ABCA13: variants seen among roughly 807,000 people sequenced by gnomAD.
ABCA13 encodes the protein ATP-binding cassette sub-family A member 13.
ABCA13 carries 476 observed loss-of-function variants against 478.7 expected under a neutral mutation model. That is an observed-to-expected ratio of 0.99 (90% confidence interval 0.92 to 1.07). The LOEUF is 1.07. Among genes scored for constraint, ABCA13 ranks in the 50% least tolerant of loss-of-function variants. The pLI is 0.00. For synonymous variants in ABCA13, 2,252 were observed against 2,158.9 expected (o/e 1.04, Z -1.20); for missense variants, 6,060 against 5,910.6 (o/e 1.03, Z -0.83).
chr7:48,556,741 T>G (rs10231745), intron 55 of ABCA13, among the ~76,000 whole-genome samples: 45,977 of 151,750 alleles, frequency 0.3, 7,870 homozygotes, highest in East Asian at 0.47. Context: ...TCATTGAGTC[T>G]TGTACATTTT....
intron 41 of ABCA13, among the ~76,000 whole-genome samples, chr7:48,417,804 G>A (rs56045610): frequency 0.11 from 17,416 of 152,126 alleles, 1,073 homozygotes; most frequent in East Asian, 0.2. Flanking sequence ...TCACTGCCCT[G>A]AAAATCTCTT....
In ABCA13 at chr7:48,587,288, GGTGAGTAGAA is replaced by G. The variant is rs1381269481; in HGVS notation, c.14640+2_14640+11del. 1.9e-6 allele frequency: 3 copies of G among 1,601,594 alleles called. No homozygotes were observed. The Admixed American group carries it at 5.2e-5, about 28-fold the overall frequency. On this transcript the variant is annotated splice_donor_variant and splice_donor_5th_base_variant and intron_variant, in intron 57 of 61. Transcript: ENST00000435803. LOFTEE classifies it high-confidence loss of function. ...TGGGGAAACCTGACATTCTTTTATTGGTGAGTAGAAGAATGTCAATATCTTGGAGTAAGAT... is the reference window on the plus strand; with the variant it reads ...TGGGGAAACCTGACATTCTTTTATTGGAATGTCAATATCTTGGAGTAAGAT...
At chr7:48,380,994 T>C (rs1172498932) in intron 35 of ABCA13, among the ~76,000 whole-genome samples, 1 of 152,100 alleles carries the variant, frequency 6.6e-6, no homozygotes, top group Non-Finnish European at 1.5e-5. Flanking sequence ...TTATTCACAG[T>C]AGTTAATTAG....
In ABCA13 at chr7:48,275,192, T is replaced by C; in HGVS notation, c.5526T>C (p.Asn1842=). The C allele has an allele frequency of 6.2e-7, 1 of 1,613,946 alleles. No homozygotes were observed. Among genetic ancestry groups the C allele is most frequent in the Middle Eastern group, 1.6e-4 (1 of 6,062 alleles). ...FRQNSKIDPC[N]VHGLMSSSFY... ...AGAATTCAAAGATAGACCCCTGCAA[T>C]GTCCATGGGCTCATGTCTTCTTCCT... The change falls in exon 17 of 62, where the codon AAT becomes AAC. Residue 1842 remains asparagine, a synonymous_variant. Coordinates refer to ENST00000435803, the MANE Select transcript of ABCA13 (RefSeq NM_152701.5).
chr7:48,461,931 G>A (rs1031243748), intron 43 of ABCA13, among the ~76,000 whole-genome samples: 5 of 152,118 alleles, frequency 3.3e-5, no homozygotes. Context: ...AAAGTTTACA[G>A]TCAAGCAGAG....
Position 48,352,506 on chromosome 7 carries a change from G to T in ABCA13, c.10688+19G>T. On this transcript the variant is annotated intron_variant, in intron 31 of 61. Transcript: ENST00000435803. ...GCGACCTGTGAGTAGCCTGGGGCAG[G>T]AGCCACCGACAGTGAGAAGGGCCTT... The T allele has an allele frequency of 6.4e-7, 1 of 1,570,098 alleles. No homozygotes were observed. Among genetic ancestry groups the T allele is most frequent in the Middle Eastern group, 1.8e-4 (1 of 5,618 alleles).
At chr7:48,467,461 G>A (rs764797412) in intron 44 of ABCA13, among the ~76,000 whole-genome samples, 9 of 152,080 alleles carry the variant, frequency 5.9e-5, no homozygotes, top group Non-Finnish European at 1.3e-4. Flanking sequence ...AGACTTAAAG[G>A]TCAGTACTGT....
Position 48,411,071 on chromosome 7 carries a change from TTTTC to T in ABCA13, c.12228+404_12228+407del, listed in dbSNP as rs1336871615. Among the ~76,000 whole-genome samples the T allele has an allele frequency of 3.7e-3, 431 of 117,922 alleles. 38 individuals are homozygous for T. Among genetic ancestry groups the T allele is most frequent in the Non-Finnish European group, 6.0e-3 (317 of 52,796 alleles). The allele number at this position is 117,922 out of a possible 152,430, so 77.4% of individuals were successfully genotyped here. On this transcript the variant is annotated intron_variant, in intron 40 of 61. Coordinates refer to ENST00000435803, the MANE Select transcript of ABCA13 (RefSeq NM_152701.5). ...TCTTTTTCTTTCTTTCTTTCTTTCT[TTTTC>T]TTTCTTTCTCTCCTTTCCTTTCCTT...
intron 55 of ABCA13, among the ~76,000 whole-genome samples, chr7:48,552,593 CT>C (rs397800820): frequency 1.0e-3 from 138 of 134,010 alleles, no homozygotes; most frequent in Non-Finnish European, 1.2e-3. Context: ...CCTTTGTTGC[CT>C]TTTTTTTTTT....
At chr7:48,558,101 CT>C (rs1786034456) in intron 55 of ABCA13, among the ~76,000 whole-genome samples, 1 of 151,864 alleles carries the variant, frequency 6.6e-6, no homozygotes, top group Non-Finnish European at 1.5e-5. Flanking sequence ...CTGATGCATT[CT>C]TTAGTATGTC....
At chr7:48,504,444 T>C (rs978489505) in intron 48 of ABCA13, among the ~76,000 whole-genome samples, 2 of 152,102 alleles carry the variant, frequency 1.3e-5, no homozygotes, top group African/African-American at 4.8e-5. Flanking sequence ...CGGTAACTTC[T>C]TGGATGTGTG....
chr7:48,514,300 A>G (rs868858948), intron 51 of ABCA13, among the ~76,000 whole-genome samples: 2 of 152,210 alleles, frequency 1.3e-5, no homozygotes, highest in South Asian at 4.1e-4. Flanking sequence ...ACAATGCAAA[A>G]TTTAACAGAG....
rs569494721 is a variant in ABCA13 at position 48,292,628 on chromosome 7, T to G, written c.8956-3072T>G. Among the ~76,000 whole-genome samples the G allele has an allele frequency of 4.6e-5, 7 of 152,332 alleles. No individual in the cohort carries two copies. The East Asian group carries it at 1.2e-3, about 25-fold the overall frequency. ...GCACTCTCTTCTCCACCTCGCTGGC[T>G]CCTTTGCACCCACCTCAGGGCCTTT... On this transcript the variant is annotated intron_variant, in intron 20 of 61. Coordinates refer to ENST00000435803, the MANE Select transcript of ABCA13 (RefSeq NM_152701.5).
intron 54 of ABCA13, among the ~76,000 whole-genome samples, chr7:48,527,427 C>T (rs887929965): frequency 2.0e-5 from 3 of 152,074 alleles, no homozygotes; most frequent in African/African-American, 4.8e-5. Context: ...ATCCATAGAT[C>T]GCAGCTCCTA....
At chr7:48,231,012 G>A (rs917190640) in intron 7 of ABCA13, among the ~76,000 whole-genome samples, 1 of 152,068 alleles carries the variant, frequency 6.6e-6, no homozygotes, top group African/African-American at 2.4e-5. Context: ...TCGTCGGGTC[G>A]GGGGAGAGGG....
rs559798194 is a variant in ABCA13, at chr7:48,434,594, A to G, written c.12565+6723A>G. Reference sequence around the variant, plus strand: ...CCAAAAAATCACTGGCAACTGCAATATCCTGAAGTTTTTTCCTGTGTTTTC... The same window carrying G: ...CCAAAAAATCACTGGCAACTGCAATGTCCTGAAGTTTTTTCCTGTGTTTTC... On this transcript the variant is annotated intron_variant, in intron 42 of 61. Transcript: ENST00000435803. Among the ~76,000 whole-genome samples the G allele has an allele frequency of 3.9e-5, 6 of 152,070 alleles. No individual in the cohort carries two copies. In the East Asian group the frequency reaches 1.2e-3, roughly 29 times the overall value.
chr7:48,638,983 G>C lies in ABCA13; in HGVS notation c.14838-4305G>C, dbSNP rs115443684. On this transcript the variant is annotated intron_variant, in intron 59 of 61. Coordinates refer to ENST00000435803, the MANE Select transcript of ABCA13 (RefSeq NM_152701.5). Reference sequence around the variant, plus strand: ...CCTTGGAGTTGTGTGACCCAAACAAGTTATGTAGCTTCTCTGAGATCCACC... The same window carrying C: ...CCTTGGAGTTGTGTGACCCAAACAACTTATGTAGCTTCTCTGAGATCCACC... Among the ~76,000 whole-genome samples the C allele has an allele frequency of 8.6e-3, 1,316 of 152,272 alleles. 19 individuals are homozygous for C. The highest frequency in any genetic ancestry group is 0.03 in the African/African-American group (1,226 of 41,558).
intron 55 of ABCA13, among the ~76,000 whole-genome samples, chr7:48,572,924 GCTTT>G (rs753116603): frequency 2.0e-5 from 3 of 151,918 alleles, no homozygotes; most frequent in Non-Finnish European, 2.9e-5. Flanking sequence ...AAATTTTTAG[GCTTT>G]CTATTTCTTC....
Position 48,310,123 on chromosome 7 carries a change from G to A in ABCA13, c.9498G>A (p.Val3166=), listed in dbSNP as rs543680355. Residue 3166 remains valine (V), a synonymous_variant, in exon 24 of 62, where the codon GTG becomes GTA. Transcript: ENST00000435803. ...TGTTGCTGAGTCGAAACTTGGATGT[G>A]CGAGCTTTCATTTACAAGGTATGGA... ...LIVLLSRNLD[V]RAFIYKTLMP... 3 of 1,610,978 alleles carry A rather than the reference G, an allele frequency of 1.9e-6. No homozygotes were observed. In the East Asian group the frequency reaches 6.7e-5, roughly 36 times the overall value.
Sources: gnomAD v4.1 joint callset for allele counts (sites outside exome capture counted in the v4.1 genomes callset) on GRCh38, gnomAD v4.1.1 for gene constraint, MANE v1.5 for transcripts, NCBI Gene and HGNC (gene_info 2026-07-23, HGNC 2026-07-21) for gene names.